The following SORCS1 variants were observed in gnomAD, a reference collection of about 807,000 sequenced individuals.
SORCS1 encodes sortilin related VPS10 domain containing receptor 1.
Under a neutral mutation model 146.1 loss-of-function variants are expected in SORCS1, and 60 were observed. The ratio of observed to expected loss-of-function variants is 0.41; its 90% CI spans 0.33 to 0.51. The LOEUF (loss-of-function observed/expected upper bound fraction) is 0.51. Among genes scored for constraint, SORCS1 ranks in the 20% least tolerant of loss-of-function variants. The pLI, the probability that SORCS1 is intolerant of heterozygous loss-of-function variation, is 0.21. For synonymous variants in SORCS1, 637 were observed against 584.0 expected (o/e 1.09, Z -1.31); for missense variants, 1,352 against 1,487.6 (o/e 0.91, Z 1.50).
At chr10:106,719,283 T>G (rs564509803) in intron 6 of SORCS1, among the ~76,000 whole-genome samples, 50 of 152,274 alleles carry the variant, frequency 3.3e-4, no homozygotes, top group African/African-American at 1.2e-3. Context: ...TTATTTTTAT[T>G]TTTGGAAGGG....
chr10:107,053,831 C>T (rs1442461885), intron 1 of SORCS1, among the ~76,000 whole-genome samples: 1 of 152,186 alleles, frequency 6.6e-6, no homozygotes, highest in Non-Finnish European at 1.5e-5. Flanking sequence ...TTACCTCCTG[C>T]TGCACACACC....
upstream of SORCS1, among the ~76,000 whole-genome samples, chr10:107,167,465 T>C (rs939304980): frequency 2.0e-5 from 3 of 152,310 alleles, no homozygotes; most frequent in East Asian, 3.9e-4. Context: ...AGTCTTTTCA[T>C]TGTGCACGTG....
intron 18 of SORCS1, among the ~76,000 whole-genome samples, chr10:106,630,605 G>A (rs574707751): frequency 1.2e-4 from 19 of 152,252 alleles, no homozygotes; most frequent in African/African-American, 4.6e-4. Context: ...CAGTCTCAGT[G>A]ACAAATCTAT....
intron 3 of SORCS1, among the ~76,000 whole-genome samples, chr10:106,792,644 A>G (rs1350087953): frequency 6.6e-6 from 1 of 152,258 alleles, no homozygotes; most frequent in African/African-American, 2.4e-5. Context: ...CATAATAAGC[A>G]GGTCTTCGTA....
chr10:107,174,372 A>T, the SORCS1 span, among the ~76,000 whole-genome samples: 1 of 151,904 alleles, frequency 6.6e-6, no homozygotes, highest in Non-Finnish European at 1.5e-5. Context: ...TTCCCGGCTA[A>T]TTTTTTGTAT....
At chr10:106,993,475 A>G (rs1362003503) in intron 1 of SORCS1, among the ~76,000 whole-genome samples, 2 of 152,226 alleles carry the variant, frequency 1.3e-5, no homozygotes, top group East Asian at 3.9e-4. Context: ...CAAGGACACA[A>G]AGGACATGAT....
intron 1 of SORCS1, among the ~76,000 whole-genome samples, chr10:107,137,892 T>C (rs2134689879): frequency 6.6e-6 from 1 of 152,138 alleles, no homozygotes; most frequent in Middle Eastern, 3.4e-3. Context: ...TCAATACTGT[T>C]AATTTTATAC....
chr10:106,881,541 T>G (rs1344741372), intron 2 of SORCS1, among the ~76,000 whole-genome samples: 1 of 152,196 alleles, frequency 6.6e-6, no homozygotes, highest in Admixed American at 6.5e-5. Context: ...TTAACATCTC[T>G]TAGTCATTTG....
At chr10:107,024,621 A>T (rs1049746158) in intron 1 of SORCS1, among the ~76,000 whole-genome samples, 19 of 152,234 alleles carry the variant, frequency 1.2e-4, no homozygotes, top group African/African-American at 4.1e-4. Context: ...ATTTGTGTGT[A>T]GGCTTTGAGA....
chr10:106,785,921 G>A (rs1466575387), intron 3 of SORCS1, among the ~76,000 whole-genome samples: 1 of 152,152 alleles, frequency 6.6e-6, no homozygotes, highest in Non-Finnish European at 1.5e-5. Context: ...ATCATCTCAA[G>A]TTGTTGATGA....
intron 1 of SORCS1, among the ~76,000 whole-genome samples, chr10:106,957,825 A>C (rs988317089): frequency 6.6e-6 from 1 of 152,166 alleles, no homozygotes; most frequent in Non-Finnish European, 1.5e-5. Context: ...GAGGAACCTA[A>C]ACTATTTCAT....
chr10:107,037,129 C>T (rs1263635518), intron 1 of SORCS1, among the ~76,000 whole-genome samples: 1 of 152,058 alleles, frequency 6.6e-6, no homozygotes, highest in Admixed American at 6.6e-5. Context: ...ACCTGTAATC[C>T]CAGCTACTCA....
At chr10:106,602,461 G>A (rs1418469805) in intron 23 of SORCS1, among the ~76,000 whole-genome samples, 1 of 147,992 alleles carries the variant, frequency 6.8e-6, no homozygotes, top group African/African-American at 2.5e-5. Context: ...GGGAAGCAAT[G>A]GAGCCAAATA....
At position 107,058,166 on chromosome 10, in the gene SORCS1, T is replaced by C. The variant is rs570607895; in HGVS notation, c.559-101586A>G. On this transcript the variant is annotated intron_variant, in intron 1 of 25. Coordinates refer to ENST00000263054, the MANE Select transcript of SORCS1 (RefSeq NM_052918.5). ...ACGCCATTCTCCTGCCTCAGCCTCC[T>C]GAGTAGCTGGGACTACAGGTGCCTG... 5.9e-5 allele frequency among the ~76,000 whole-genome samples: 9 copies of C among 152,206 alleles called. No individual in the cohort carries two copies. In the East Asian group the frequency reaches 1.7e-3, roughly 29 times the overall value.
chr10:107,094,834 T>C (rs1205949378), intron 1 of SORCS1, among the ~76,000 whole-genome samples: 1 of 152,196 alleles, frequency 6.6e-6, no homozygotes. Flanking sequence ...ATGTTAAGTA[T>C]GGTCCCTGAC....
chr10:106,661,769 G>A (rs534747920), intron 17 of SORCS1, among the ~76,000 whole-genome samples: 41 of 152,308 alleles, frequency 2.7e-4, no homozygotes, highest in African/African-American at 8.4e-4. Flanking sequence ...ATCCTTAATT[G>A]TTTCATTCCA....
chr10:107,079,008 G>A (rs183666883), intron 1 of SORCS1, among the ~76,000 whole-genome samples: 1 of 152,136 alleles, frequency 6.6e-6, no homozygotes, highest in African/African-American at 2.4e-5. Flanking sequence ...GGTAGATCAC[G>A]AGGTCAGGAG....
chr10:106,636,932 G>C (rs1161220948), intron 18 of SORCS1, among the ~76,000 whole-genome samples: 5 of 152,208 alleles, frequency 3.3e-5, no homozygotes, highest in African/African-American at 1.2e-4. Flanking sequence ...ACTGATGTGT[G>C]AAACCAAAGA....
intron 2 of SORCS1, among the ~76,000 whole-genome samples, chr10:106,852,592 C>A (rs1485715479): frequency 2.1e-5 from 3 of 143,898 alleles, no homozygotes; most frequent in Non-Finnish European, 4.5e-5. Flanking sequence ...CACACCACTG[C>A]ACTCCAGCCT....
Sources: gnomAD v4.1 joint callset for allele counts (sites outside exome capture counted in the v4.1 genomes callset) on GRCh38, gnomAD v4.1.1 for gene constraint, MANE v1.5 for transcripts, NCBI Gene and HGNC (gene_info 2026-07-23, HGNC 2026-07-21) for gene names.